Variants in RIMS2 observed in about 807,000 individuals in gnomAD.
The protein encoded by RIMS2 is regulating synaptic membrane exocytosis 2.
A neutral mutation model predicts 174.4 loss-of-function variants in RIMS2; 59 were observed. That is an observed-to-expected ratio of 0.34 (90% confidence interval 0.27 to 0.42). RIMS2 has a LOEUF of 0.42. RIMS2 is among the 10% of genes least tolerant of loss of function. The pLI, the probability that RIMS2 is intolerant of heterozygous loss-of-function variation, is 1.00. For synonymous variants in RIMS2, 606 were observed against 572.5 expected, an observed-to-expected ratio of 1.06 and a Z score of -0.84; for missense variants, 1,620 against 1,666.3, an observed-to-expected ratio of 0.97 and a Z score of 0.48.
chr8:103,598,109 T>A (rs902236681), intron 1 of RIMS2, among the ~76,000 whole-genome samples: 5 of 152,282 alleles, frequency 3.3e-5, no homozygotes, highest in South Asian at 2.1e-4. Context: ...ACTTTATATG[T>A]TTGTGATCAA....
intron 1 of RIMS2, among the ~76,000 whole-genome samples, chr8:103,510,645 G>A (rs950847137): frequency 2.0e-5 from 3 of 152,010 alleles, no homozygotes; most frequent in Non-Finnish European, 2.9e-5. Context: ...CAAGCAGTGG[G>A]GCATTTTGAA....
chr8:103,689,182 A>G (rs1287883295), intron 1 of RIMS2, among the ~76,000 whole-genome samples: 2 of 151,816 alleles, frequency 1.3e-5, no homozygotes, highest in African/African-American at 4.8e-5. Context: ...CATATTATTG[A>G]TTTCTAGTTT....
chr8:103,573,114 G>A (rs2092956318), intron 1 of RIMS2, among the ~76,000 whole-genome samples: 1 of 151,944 alleles, frequency 6.6e-6, no homozygotes, highest in Non-Finnish European at 1.5e-5. Flanking sequence ...GGCTGGATGT[G>A]GTGGTGTGAT....
chr8:104,252,922 G>A (rs1036891677), downstream of RIMS2: 5 of 152,024 alleles, frequency 3.3e-5, no homozygotes, highest in African/African-American at 1.2e-4. Flanking sequence ...GTTTTGATCT[G>A]ATCCTCTCTC....
At chr8:103,982,818 G>A (rs2154549433) in intron 16 of RIMS2, among the ~76,000 whole-genome samples, 1 of 152,246 alleles carries the variant, frequency 6.6e-6, no homozygotes, top group Non-Finnish European at 1.5e-5. Flanking sequence ...AAAACTGAAA[G>A]CCTTTCCTCT....
chr8:103,730,491 C>T (rs925976971), intron 2 of RIMS2, among the ~76,000 whole-genome samples: 1 of 151,898 alleles, frequency 6.6e-6, no homozygotes, highest in African/African-American at 2.4e-5. Flanking sequence ...ACCTAATTTC[C>T]CCACTTTTTA....
In RIMS2 at chr8:103,519,789, A is replaced by T. The variant is rs1182454009; in HGVS notation, c.176+18727A>T. Reference sequence around the variant, plus strand: ...TAAATTTACCAGAGCCAGAAACATTACGGTTTAGACTCAGGCTGGCTCCTG... The same window carrying T: ...TAAATTTACCAGAGCCAGAAACATTTCGGTTTAGACTCAGGCTGGCTCCTG... On this transcript the variant is annotated intron_variant, in intron 1 of 23. Coordinates refer to ENST00000504942, the Ensembl canonical transcript of RIMS2. Among the ~76,000 whole-genome samples the T allele has an allele frequency of 2.0e-5, 3 of 146,776 alleles. No individual in the cohort carries two copies. In the Admixed American group the frequency reaches 2.1e-4, roughly 10 times the overall value.
chr8:104,178,361 G>A (rs906910982), intron 19 of RIMS2, among the ~76,000 whole-genome samples: 3 of 152,072 alleles, frequency 2.0e-5, no homozygotes, highest in African/African-American at 4.8e-5. Flanking sequence ...TTGGCTCATG[G>A]GACCCTTCCA....
At chr8:104,037,696 C>G (rs571808406) in intron 19 of RIMS2, among the ~76,000 whole-genome samples, 1 of 152,080 alleles carries the variant, frequency 6.6e-6, no homozygotes, top group Non-Finnish European at 1.5e-5. Flanking sequence ...GGAAAGAATT[C>G]TTAGTTTGCA....
At chr8:103,827,448 A>G (rs1029193305) in intron 3 of RIMS2, among the ~76,000 whole-genome samples, 1 of 152,088 alleles carries the variant, frequency 6.6e-6, no homozygotes, top group Non-Finnish European at 1.5e-5. Flanking sequence ...TATGCTTTTT[A>G]TTTCTTTTTA....
At chr8:103,922,737 T>G (rs2077950996) in intron 10 of RIMS2, 1 of 310,226 alleles carries the variant, frequency 3.2e-6, no homozygotes, top group Admixed American at 3.4e-5. Flanking sequence ...CCTTTGGTTT[T>G]TTTTGGGGGT....
chr8:103,906,892 T>G (rs756262617), intron 4 of RIMS2, among the ~76,000 whole-genome samples: 1 of 152,178 alleles, frequency 6.6e-6, no homozygotes, highest in Non-Finnish European at 1.5e-5. Flanking sequence ...GCATTAAGTA[T>G]CCCATGTACT....
chr8:103,540,828 AAAC>A (rs1365247026), intron 1 of RIMS2, among the ~76,000 whole-genome samples: 1 of 152,216 alleles, frequency 6.6e-6, no homozygotes, highest in Non-Finnish European at 1.5e-5. Flanking sequence ...ACAAGCAAAC[AAAC>A]AAAAAAGAAA....
chr8:104,243,995 A>G (rs947248559), intron 19 of RIMS2, among the ~76,000 whole-genome samples: 1 of 152,118 alleles, frequency 6.6e-6, no homozygotes, highest in Non-Finnish European at 1.5e-5. Flanking sequence ...CACCTTTGCC[A>G]TGCTGTTTCC....
At chr8:103,860,221 A>G (rs1245624496) in intron 3 of RIMS2, among the ~76,000 whole-genome samples, 2 of 152,160 alleles carry the variant, frequency 1.3e-5, no homozygotes, top group East Asian at 3.8e-4. Flanking sequence ...ATCTGCACAC[A>G]TAAGGGAATG....
chr8:103,962,221 A>T (rs1048249837), intron 15 of RIMS2, among the ~76,000 whole-genome samples: 1 of 152,060 alleles, frequency 6.6e-6, no homozygotes, highest in Non-Finnish European at 1.5e-5. Flanking sequence ...TTCTGTTTTC[A>T]AGATGACAGA....
At chr8:103,961,256 A>G (rs1336938348) in intron 15 of RIMS2, 123 bp downstream of exon 17, 6 of 608,278 alleles carry the variant, frequency 9.9e-6, no homozygotes, top group Middle Eastern at 4.4e-4. Context: ...AAAACAGCCT[A>G]TGGCAACCTA....
chr8:104,085,218 C>T lies in RIMS2; in HGVS notation c.3334+70603C>T, dbSNP rs181711795. On this transcript the variant is annotated intron_variant, in intron 19 of 23. Coordinates refer to ENST00000504942, the Ensembl canonical transcript of RIMS2. ...CAGGGCTGGTACTATTATGTAAGACCCAAGCACTCTGTCTTCCTATTCTCC... is the reference window on the plus strand; with the variant it reads ...CAGGGCTGGTACTATTATGTAAGACTCAAGCACTCTGTCTTCCTATTCTCC... Among the ~76,000 whole-genome samples the T allele has an allele frequency of 1.6e-3, 247 of 152,224 alleles. 2 individuals carry two copies. Among genetic ancestry groups the T allele is most frequent in the Non-Finnish European group, 1.0e-4 (7 of 67,990 alleles).
Position 103,833,082 on chromosome 8 carries a change from T to G in RIMS2, c.699-52216T>G, listed in dbSNP as rs551067586. Among the ~76,000 whole-genome samples, 6 of 152,358 alleles carry G rather than the reference T, an allele frequency of 3.9e-5. 1 individual carries two copies. Among genetic ancestry groups the G allele is most frequent in the African/African-American group, 1.4e-4 (6 of 41,584 alleles). ...GTATTTACCTGAAAAAATCTTTTCT[T>G]AGTCTTCATTCTTTGTGAATATTTT... On this transcript the variant is annotated intron_variant, in intron 3 of 23. Transcript: ENST00000504942.
Sources: allele counts gnomAD v4.1 joint callset (sites outside exome capture counted in the v4.1 genomes callset), GRCh38; gene constraint gnomAD v4.1.1; transcripts MANE v1.5; gene names NCBI Gene and HGNC (gene_info 2026-07-23, HGNC 2026-07-21).